The following COL26A1 variants were observed in gnomAD, a reference collection of about 807,000 sequenced individuals.
COL26A1 encodes collagen type XXVI alpha 1 chain, also known as collagen alpha-1(XXVI) chain.
COL26A1 carries 41 observed loss-of-function variants against 59.3 expected under a neutral mutation model. That is an observed-to-expected ratio of 0.69 (90% CI 0.54 to 0.90). COL26A1 has a LOEUF of 0.90. COL26A1 is among the 40% of genes least tolerant of loss of function. The pLI is 0.00. For missense variants in COL26A1, 612 were observed against 602.3 expected (o/e 1.02, Z -0.17); for synonymous variants, 266 against 256.0 (o/e 1.04, Z -0.37).
chr7:101,468,550 C>T (rs73398928), intron 3 of COL26A1, among the ~76,000 whole-genome samples: 2,983 of 152,250 alleles, frequency 0.02, 109 homozygotes, highest in African/African-American at 0.068. Context: ...GCAAGGCCTC[C>T]GTAACGACCC....
At chr7:101,413,981 C>T (rs527973255) in intron 1 of COL26A1, among the ~76,000 whole-genome samples, 23 of 152,262 alleles carry the variant, frequency 1.5e-4, no homozygotes, top group Non-Finnish European at 2.5e-4. Context: ...GGTGGCAGGA[C>T]GACACCACCA....
intron 2 of COL26A1, among the ~76,000 whole-genome samples, chr7:101,445,628 A>G (rs1372858067): frequency 6.9e-6 from 1 of 144,320 alleles, no homozygotes; most frequent in Non-Finnish European, 1.5e-5. Context: ...GCTGCTTGGG[A>G]GGCTGAGGCA....
chr7:101,478,095 A>G (rs1584444309), intron 3 of COL26A1, among the ~76,000 whole-genome samples: 1 of 151,962 alleles, frequency 6.6e-6, no homozygotes, highest in African/African-American at 2.4e-5. Context: ...CGATTCTCCC[A>G]CCTCAGCCTC....
At chr7:101,405,196 C>T (rs980438155) in intron 1 of COL26A1, among the ~76,000 whole-genome samples, 1 of 152,042 alleles carries the variant, frequency 6.6e-6, no homozygotes, top group East Asian at 1.9e-4. Context: ...GCACTCCAGC[C>T]TGGGTGACGG....
intron 3 of COL26A1, among the ~76,000 whole-genome samples, chr7:101,510,680 T>G (rs61229923): frequency 0.091 from 13,864 of 151,978 alleles, 1,276 homozygotes; most frequent in African/African-American, 0.24. Flanking sequence ...GCTAATTTTT[T>G]AATTTTTTGT....
chr7:101,372,727 G>A (rs1318335578), intron 1 of COL26A1, among the ~76,000 whole-genome samples: 1 of 152,022 alleles, frequency 6.6e-6, no homozygotes, highest in Non-Finnish European at 1.5e-5. Flanking sequence ...GGGATGTGGT[G>A]GCTCATGCCT....
chr7:101,435,916 C>T (rs1054808301), intron 2 of COL26A1, among the ~76,000 whole-genome samples: 2 of 152,208 alleles, frequency 1.3e-5, no homozygotes, highest in African/African-American at 4.8e-5. Context: ...GCCAGCCTCC[C>T]CCCTCTGGTT....
chr7:101,546,313 C>T (rs532625782), intron 7 of COL26A1, among the ~76,000 whole-genome samples: 2 of 152,304 alleles, frequency 1.3e-5, no homozygotes, highest in East Asian at 3.9e-4. Flanking sequence ...TAGCTCCCTG[C>T]AGCCTCTCAC....
At chr7:101,388,989 C>A in intron 1 of COL26A1, 2 of 293,286 alleles carry the variant, frequency 6.8e-6, no homozygotes, top group South Asian at 7.8e-5. Context: ...ATTTTGGCCG[C>A]CATGGGGCTT....
intron 3 of COL26A1, among the ~76,000 whole-genome samples, chr7:101,493,561 G>A (rs35644513): frequency 0.13 from 19,248 of 151,962 alleles, 1,257 homozygotes; most frequent in Non-Finnish European, 0.13. Flanking sequence ...GTATTTTTAA[G>A]TGCATAAAAT....
At chr7:101,524,373 G>A (rs944048809) in intron 3 of COL26A1, among the ~76,000 whole-genome samples, 3 of 152,114 alleles carry the variant, frequency 2.0e-5, no homozygotes, top group East Asian at 1.9e-4. Context: ...GAGTTACAAA[G>A]GAAAATCAAG....
At chr7:101,398,604 G>A (rs1040216510) in intron 1 of COL26A1, among the ~76,000 whole-genome samples, 30 of 152,120 alleles carry the variant, frequency 2.0e-4, no homozygotes, top group African/African-American at 5.3e-4. Context: ...ATGTGTCAGC[G>A]GCTGCTTTTC....
intron 3 of COL26A1, among the ~76,000 whole-genome samples, chr7:101,473,992 C>T (rs796425797): frequency 2.0e-5 from 3 of 152,286 alleles, no homozygotes; most frequent in Admixed American, 6.5e-5. Flanking sequence ...AGTAGAGAGG[C>T]TGCTTGAATG....
intron 1 of COL26A1, among the ~76,000 whole-genome samples, chr7:101,369,441 AT>A (rs1562950862): frequency 7.9e-6 from 1 of 126,594 alleles, no homozygotes; most frequent in African/African-American, 3.2e-5. Flanking sequence ...GGTAATCTGC[AT>A]CTTTTTTTTT....
intron 3 of COL26A1, among the ~76,000 whole-genome samples, chr7:101,518,047 C>G (rs976899481): frequency 3.3e-5 from 5 of 152,032 alleles, no homozygotes; most frequent in African/African-American, 1.2e-4. Context: ...CTTCTTGGCT[C>G]AAGAGATTCT....
chr7:101,496,439 TG>T (rs995094689), intron 3 of COL26A1, among the ~76,000 whole-genome samples: 1 of 152,054 alleles, frequency 6.6e-6, no homozygotes, highest in African/African-American at 2.4e-5. Flanking sequence ...GGCTGGGGTT[TG>T]GGGGTTTTGG....
chr7:101,554,067 G>A (rs1443029886), intron 11 of COL26A1, among the ~76,000 whole-genome samples: 1 of 152,042 alleles, frequency 6.6e-6, no homozygotes, highest in Non-Finnish European at 1.5e-5. Context: ...GCCACCAGGT[G>A]TACAGGGTCC....
intron 1 of COL26A1, among the ~76,000 whole-genome samples, chr7:101,416,361 C>G (rs1792370396): frequency 7.0e-6 from 1 of 143,684 alleles, no homozygotes; most frequent in African/African-American, 2.5e-5. Context: ...CACTACACTC[C>G]TGACCTCAAG....
intron 1 of COL26A1, among the ~76,000 whole-genome samples, chr7:101,415,251 C>T (rs1305825968): frequency 6.6e-6 from 1 of 150,588 alleles, no homozygotes; most frequent in East Asian, 2.0e-4. Context: ...CTCTCAGGTT[C>T]AAGCGACTCT....
Sources: gnomAD v4.1 joint callset for allele counts (sites outside exome capture counted in the v4.1 genomes callset) on GRCh38, gnomAD v4.1.1 for gene constraint, MANE v1.5 for transcripts, NCBI Gene and HGNC (gene_info 2026-07-23, HGNC 2026-07-21) for gene names.